Variants in SSBP3 observed in about 807,000 individuals in gnomAD.
The protein encoded by SSBP3 is single-stranded DNA-binding protein 3.
A neutral mutation model predicts 69.6 loss-of-function variants in SSBP3; 5 were observed. The ratio of observed to expected loss-of-function variants is 0.07; its 90% CI spans 0.04 to 0.15. SSBP3 has a LOEUF of 0.15. Among genes scored for constraint, SSBP3 ranks in the 10% least tolerant of loss-of-function variants. The pLI is 1.00. For synonymous variants in SSBP3, 196 were observed against 193.4 expected, an observed-to-expected ratio of 1.01 and a Z score of -0.11; for missense variants, 312 against 534.0, an observed-to-expected ratio of 0.58 and a Z score of 4.10.
intron 14 of SSBP3, among the ~76,000 whole-genome samples, chr1:54,230,771 G>C (rs1211079919): frequency 1.3e-5 from 2 of 152,154 alleles, no homozygotes; most frequent in Non-Finnish European, 2.9e-5. Flanking sequence ...AGAATCACGT[G>C]AGCTTTTGTG....
rs531428515 is a variant in SSBP3 at position 54,402,290 on chromosome 1, C to CT, written c.192-346dup. On this transcript the variant is annotated intron_variant, in intron 3 of 17. Transcript: ENST00000610401. Reference sequence around the variant, plus strand: ...AGCTCCAAGGGGTTAGTAGAACCTACTCATGGATGCCCTAGGAGGATGAAC... The same window carrying CT: ...AGCTCCAAGGGGTTAGTAGAACCTACTTCATGGATGCCCTAGGAGGATGAAC... Among the ~76,000 whole-genome samples, 4 of 152,316 alleles carry CT rather than the reference C, an allele frequency of 2.6e-5. No individual in the cohort carries two copies. In the South Asian group the frequency reaches 8.3e-4, roughly 32 times the overall value.
chr1:54,270,077 T>A (rs1279598380), intron 5 of SSBP3, among the ~76,000 whole-genome samples: 1 of 152,202 alleles, frequency 6.6e-6, no homozygotes, highest in Admixed American at 6.5e-5. Flanking sequence ...AAGGAGCACT[T>A]GTCGGATTTC....
intron 14 of SSBP3, among the ~76,000 whole-genome samples, chr1:54,231,154 C>T (rs1415710423): frequency 1.3e-5 from 2 of 152,192 alleles, no homozygotes; most frequent in Non-Finnish European, 2.9e-5. Flanking sequence ...ATTTTACATT[C>T]CCACGAGCAG....
chr1:54,332,820 CAG>C (rs1273666312), intron 4 of SSBP3, among the ~76,000 whole-genome samples: 2 of 152,322 alleles, frequency 1.3e-5, no homozygotes, highest in African/African-American at 2.4e-5. Context: ...TCAAGCGCAT[CAG>C]AGAGTCAGAT....
chr1:54,332,173 G>A (rs1175576005), intron 4 of SSBP3, among the ~76,000 whole-genome samples: 1 of 152,220 alleles, frequency 6.6e-6, no homozygotes, highest in Non-Finnish European at 1.5e-5. Flanking sequence ...AGTTCCAGCT[G>A]TTGCTATTAG....
At chr1:54,291,092 A>G (rs181110679) in intron 4 of SSBP3, among the ~76,000 whole-genome samples, 1 of 152,328 alleles carries the variant, frequency 6.6e-6, no homozygotes, top group Admixed American at 6.5e-5. Context: ...CTCAGTTCCA[A>G]TGACAACTTA....
intron 4 of SSBP3, among the ~76,000 whole-genome samples, chr1:54,391,809 C>A (rs1019756805): frequency 8.5e-5 from 13 of 152,126 alleles, no homozygotes; most frequent in African/African-American, 3.1e-4. Context: ...TGCCTTACGA[C>A]CTATTCTCAC....
At chr1:54,329,941 G>T (rs1410799583) in intron 4 of SSBP3, among the ~76,000 whole-genome samples, 1 of 152,134 alleles carries the variant, frequency 6.6e-6, no homozygotes, top group East Asian at 1.9e-4. Context: ...TAGCTGGAAG[G>T]AGAGCTTCCA....
chr1:54,330,937 C>T (rs918066956), intron 4 of SSBP3, among the ~76,000 whole-genome samples: 3 of 152,164 alleles, frequency 2.0e-5, no homozygotes, highest in Admixed American at 1.3e-4. Context: ...TCGGCAGAGC[C>T]TGGAAGTAAT....
chr1:54,391,486 C>G (rs1362660174), intron 4 of SSBP3, among the ~76,000 whole-genome samples: 1 of 152,248 alleles, frequency 6.6e-6, no homozygotes, highest in African/African-American at 2.4e-5. Flanking sequence ...CTGCCCCTCT[C>G]AGAGCTCAAA....
intron 4 of SSBP3, among the ~76,000 whole-genome samples, chr1:54,328,911 C>T (rs547989179): frequency 2.4e-4 from 36 of 152,354 alleles, no homozygotes; most frequent in African/African-American, 8.2e-4. Flanking sequence ...GGAGCCAGTG[C>T]TTGCCTGTCC....
exon 18 of SSBP3, chr1:54,226,640 GTTTTCCTTTTTTTTTTTTCCT>G (rs945139429): frequency 1.9e-5 from 3 of 155,802 alleles, no homozygotes; most frequent in Admixed American, 6.3e-5. Flanking sequence ...AGGGCTTCTG[GTTTTCCTTTTTTTTTTTTCCT>G]TTTTCCTTTT....
intron 12 of SSBP3, 57 bp from the exon 13 acceptor site, chr1:54,241,016 G>A (rs976254592): frequency 6.4e-7 from 1 of 1,552,232 alleles, no homozygotes; most frequent in South Asian, 1.2e-5. Flanking sequence ...ACATGGGGAG[G>A]GGCCGGCATC....
intron 4 of SSBP3, among the ~76,000 whole-genome samples, chr1:54,299,807 T>C (rs2100993014): frequency 6.6e-6 from 1 of 152,250 alleles, no homozygotes; most frequent in Non-Finnish European, 1.5e-5. Context: ...CAAACCCAGA[T>C]CGCTCACACG....
intron 4 of SSBP3, among the ~76,000 whole-genome samples, chr1:54,348,717 C>G (rs56144946): frequency 6.6e-6 from 1 of 152,076 alleles, no homozygotes; most frequent in East Asian, 1.9e-4. Flanking sequence ...CATGGGGCAG[C>G]GGGGCAGATG....
chr1:54,258,266 G>C lies in SSBP3; in HGVS notation c.367-117C>G. The C allele has an allele frequency of 1.3e-6, 1 of 774,566 alleles. No individual in the cohort carries two copies. The highest frequency in any genetic ancestry group is 3.5e-5 in the East Asian group (1 of 28,484). 48.0% of individuals were successfully genotyped at this position (774,566 alleles called of 1,614,324 possible). A position where few individuals can be genotyped will look rare whatever the true frequency, so the allele number is the denominator to read the frequency against. The stretch of plus-strand genomic sequence containing the variant: ...AAGGGTGGGCGGCGGGCGTGCGGGG[G>C]GGTGGGCTCTGGTTGGTGGGAGGTG... On this transcript the variant is annotated intron_variant, in intron 5 of 17. Coordinates refer to ENST00000610401, the Ensembl canonical transcript of SSBP3. The surrounding 1 kb of genome is among the most constrained non-coding windows in gnomAD (Gnocchi z 4.5).
At chr1:54,276,616 A>C (rs1220694539) in intron 5 of SSBP3, among the ~76,000 whole-genome samples, 8 of 149,730 alleles carry the variant, frequency 5.3e-5, no homozygotes, top group South Asian at 2.1e-4. Flanking sequence ...CTCAAAAAAA[A>C]AAAAAAAAAA....
rs539816220 is a variant in SSBP3 at position 54,251,633 on chromosome 1, T to C, written c.634A>G (p.Met212Val). 11 of 1,551,776 alleles carry C rather than the reference T, an allele frequency of 7.1e-6. No homozygotes were observed. Among genetic ancestry groups the C allele is most frequent in the Middle Eastern group, 1.7e-4 (1 of 5,916 alleles). The change falls in exon 9 of 18, where the codon ATG (methionine) becomes GTG (valine). Residue 212 changes from methionine to valine, a missense_variant. Transcript: ENST00000610401. ...GTGGTTACCTGTGGGCCGGGACCCA[T>C]GGGCCCCATGCCTCGGGGAGGGTTC...
At chr1:54,399,710 T>C (rs960257917) in intron 4 of SSBP3, among the ~76,000 whole-genome samples, 1 of 152,160 alleles carries the variant, frequency 6.6e-6, no homozygotes, top group Non-Finnish European at 1.5e-5. Flanking sequence ...CAAGAAGGAA[T>C]GAAGGTTAAC....
Sources: allele counts gnomAD v4.1 joint callset (sites outside exome capture counted in the v4.1 genomes callset), GRCh38; gene constraint gnomAD v4.1.1; non-coding constraint Gnocchi (gnomAD v3.1); transcripts MANE v1.5; gene names NCBI Gene and HGNC (gene_info 2026-07-23, HGNC 2026-07-21).